The following IL19 variants were observed in gnomAD, a reference collection of about 807,000 sequenced individuals.
The protein encoded by IL19 is interleukin-19.
A neutral mutation model predicts 19.5 loss-of-function variants in IL19; 15 were observed. The ratio of observed to expected loss-of-function variants is 0.77; its 90% confidence interval spans 0.52 to 1.19. The LOEUF (loss-of-function observed/expected upper bound fraction) is 1.19, where lower values mean the gene tolerates loss of function less well. IL19 is among the 50% of genes most tolerant of loss of function. The pLI is 0.00. For synonymous variants in IL19, 78 were observed against 78.3 expected (o/e 1.00, Z 0.02); for missense variants, 199 against 213.1 (o/e 0.93, Z 0.41).
chr1:206,798,493 A>C (rs1416555365), intron 1 of IL19, among the ~76,000 whole-genome samples: 2 of 152,184 alleles, frequency 1.3e-5, no homozygotes, highest in African/African-American at 4.8e-5. Context: ...TAAAAGCTTC[A>C]GGATCTCTTA....
chr1:206,771,072 G>C lies in IL19; in HGVS notation c.-155G>C, dbSNP rs1349884923. The stretch of plus-strand genomic sequence containing the variant: ...AACCCAGGTAACCCTAAGGGCAGGA[G>C]CCAAAGGTGAGTGAGAGATTGGCGG... On this transcript the variant is annotated 5_prime_UTR_variant, in exon 1 of 7. Transcript: ENST00000659997. 3 of 1,613,976 alleles carry C rather than the reference G, an allele frequency of 1.9e-6. No homozygotes were observed. The highest frequency in any genetic ancestry group is 3.3e-5 in the Admixed American group (2 of 60,030).
intron 1 of IL19, among the ~76,000 whole-genome samples, chr1:206,789,114 G>A (rs1675334766): frequency 6.6e-6 from 1 of 152,242 alleles, no homozygotes; most frequent in Non-Finnish European, 1.5e-5. Flanking sequence ...AGGAACAGCT[G>A]TAGGGTTAGA....
Position 206,781,841 on chromosome 1 carries a change from G to GGTTATATATACATATATATGTATATATA in IL19, c.-149+10789_-149+10790insTAGTTATATATACATATATATGTATATA, listed in dbSNP as rs1558606238. 1.2e-3 allele frequency among the ~76,000 whole-genome samples: 140 copies of GGTTATATATACATATATATGTATATATA among 117,584 alleles called. 3 individuals are homozygous for GGTTATATATACATATATATGTATATATA. The highest frequency in any genetic ancestry group is 1.5e-3 in the Non-Finnish European group (82 of 55,606). 77.1% of individuals were successfully genotyped at this position (117,584 alleles called of 152,430 possible). ...CCCCCAAAGAGCTTTCACTTATGTG[G>GGTTATATATACATATATATGTATATATA]GTTATATATACATATATATGTATAT... On this transcript the variant is annotated intron_variant, in intron 1 of 6. Transcript: ENST00000659997.
chr1:206,781,414 CA>C (rs57060549), intron 1 of IL19, among the ~76,000 whole-genome samples: 4,479 of 43,012 alleles, frequency 0.1, 15 homozygotes, highest in African/African-American at 0.19. Flanking sequence ...GACTCTGTCT[CA>C]AAAAAAAAAA....
At chr1:206,787,395 G>A (rs1392974363) in intron 1 of IL19, among the ~76,000 whole-genome samples, 1 of 152,234 alleles carries the variant, frequency 6.6e-6, no homozygotes, top group African/African-American at 2.4e-5. Flanking sequence ...ATGCATATGT[G>A]TGGGTGTATT....
chr1:206,780,814 GCAA>G (rs1675111522), intron 1 of IL19, among the ~76,000 whole-genome samples: 1 of 152,162 alleles, frequency 6.6e-6, no homozygotes, highest in Admixed American at 6.5e-5. Flanking sequence ...TGGGCCTGCA[GCAA>G]CAATTAGGGG....
At position 206,836,681 on chromosome 1, in the gene IL19, T is replaced by C; in HGVS notation, c.19T>C (p.Ser7Pro). Residue 7 changes from serine to proline, a missense_variant, in exon 3 of 7, where the codon TCC becomes CCC. Coordinates refer to ENST00000659997, the MANE Select transcript of IL19 (RefSeq NM_153758.5). MKLQCV[S>P]LWLLGTILIL... ...TGCAGGCATGAAGTTACAGTGTGTT[T>C]CCCTTTGGCTCCTGGGTACAATACT... 6.2e-7 allele frequency: 1 copy of C among 1,611,270 alleles called. No homozygotes were observed. Among genetic ancestry groups the C allele is most frequent in the Non-Finnish European group, 8.5e-7 (1 of 1,178,974 alleles).
At chr1:206,774,191 C>T (rs1207076435) in intron 1 of IL19, among the ~76,000 whole-genome samples, 1 of 152,220 alleles carries the variant, frequency 6.6e-6, no homozygotes, top group African/African-American at 2.4e-5. Flanking sequence ...GATGTCCCTG[C>T]TGTGTGACCT....
At chr1:206,800,980 C>G (rs185267505) in intron 2 of IL19, among the ~76,000 whole-genome samples, 1 of 152,192 alleles carries the variant, frequency 6.6e-6, no homozygotes, top group Non-Finnish European at 1.5e-5. Context: ...TGCCTGTGGT[C>G]GTTGACCTCT....
intron 5 of IL19, 46 bp from the exon 6 acceptor site, chr1:206,840,958 A>G: frequency 6.7e-7 from 1 of 1,497,890 alleles, no homozygotes; most frequent in Non-Finnish European, 9.3e-7. Flanking sequence ...AGAGAGGGCC[A>G]GAGTGGAAAT....
chr1:206,825,755 C>G (rs1676422398), intron 2 of IL19, among the ~76,000 whole-genome samples: 1 of 152,230 alleles, frequency 6.6e-6, no homozygotes, highest in Non-Finnish European at 1.5e-5. Flanking sequence ...TCGCCAAAAC[C>G]CCGTGCAGGT....
intron 1 of IL19, among the ~76,000 whole-genome samples, chr1:206,790,766 C>T (rs140029877): frequency 3.5e-4 from 53 of 152,194 alleles, no homozygotes; most frequent in Non-Finnish European, 6.9e-4. Flanking sequence ...ACCAGATTAG[C>T]GGAGGCAGAA....
At chr1:206,789,057 A>G (rs887701767) in intron 1 of IL19, among the ~76,000 whole-genome samples, 3 of 152,212 alleles carry the variant, frequency 2.0e-5, no homozygotes, top group Non-Finnish European at 4.4e-5. Flanking sequence ...TCAGAATGCT[A>G]GAGTGACCTT....
rs1674815409 is a variant in IL19 at position 206,771,021 on chromosome 1, C to G, written c.-206C>G. ...GGGGCATCACCTCCTCCAGGTAAAACTGGATCATCTCAGACAAGGCTTGGC... is the reference window on the plus strand; with the variant it reads ...GGGGCATCACCTCCTCCAGGTAAAAGTGGATCATCTCAGACAAGGCTTGGC... On this transcript the variant is annotated 5_prime_UTR_variant, in exon 1 of 7. Coordinates refer to ENST00000659997, the MANE Select transcript of IL19 (RefSeq NM_153758.5). 6.2e-7 allele frequency: 1 copy of G among 1,614,036 alleles called. No homozygotes were observed. Among genetic ancestry groups the G allele is most frequent in the Non-Finnish European group, 8.5e-7 (1 of 1,180,026 alleles).
intron 1 of IL19, chr1:206,772,181 G>T (rs1674869549): frequency 8.9e-7 from 1 of 1,119,066 alleles, no homozygotes; most frequent in East Asian, 2.4e-5. Flanking sequence ...GGAGGTGGAG[G>T]CGCAGGAGGA....
chr1:206,842,440 T>C (rs1677046450), intron 6 of IL19, 87 bp from the exon 7 acceptor site: 1 of 773,880 alleles, frequency 1.3e-6, no homozygotes, highest in Non-Finnish European at 2.1e-6. Context: ...AAACAAAACC[T>C]TGTGGGAACC....
At chr1:206,782,357 C>A (rs964542323) in intron 1 of IL19, among the ~76,000 whole-genome samples, 3 of 152,034 alleles carry the variant, frequency 2.0e-5, no homozygotes, top group African/African-American at 7.2e-5. Context: ...TAAGAATTTT[C>A]CCCTGGAAAA....
intron 1 of IL19, among the ~76,000 whole-genome samples, chr1:206,788,702 T>C (rs1675320999): frequency 3.3e-5 from 5 of 152,126 alleles, no homozygotes; most frequent in South Asian, 4.1e-4. Flanking sequence ...GCAGAAGCAG[T>C]TGGAGGTGCT....
intron 2 of IL19, among the ~76,000 whole-genome samples, chr1:206,827,607 A>G (rs4240849): frequency 0.78 from 117,269 of 151,182 alleles, 46,039 homozygotes; most frequent in African/African-American, 0.82. Flanking sequence ...GGAGAATGGC[A>G]TGAACCCCGG....
Sources: gnomAD v4.1 joint callset for allele counts (sites outside exome capture counted in the v4.1 genomes callset) on GRCh38, gnomAD v4.1.1 for gene constraint, MANE v1.5 for transcripts, NCBI Gene and HGNC (gene_info 2026-07-23, HGNC 2026-07-21) for gene names.